SQOR: variants seen among roughly 807,000 people sequenced by gnomAD.
The protein encoded by SQOR is sulfide:quinone oxidoreductase, mitochondrial.
In SQOR, 39 loss-of-function variants were observed where a neutral mutation model predicts 48.6. The ratio of observed to expected loss-of-function variants is 0.80; its 90% CI spans 0.62 to 1.05. The LOEUF (loss-of-function observed/expected upper bound fraction) is 1.05, where lower values mean the gene tolerates loss of function less well. Ranked by LOEUF, SQOR falls within the 50% of genes least tolerant of loss-of-function variation. The probability of loss-of-function intolerance (pLI) is 0.00; values close to 1 mark genes in which losing one functional copy is unlikely to be tolerated. For missense variants in SQOR, 561 were observed against 559.9 expected, an observed-to-expected ratio of 1.00 and a Z score of -0.02; for synonymous variants, 220 against 206.2, an observed-to-expected ratio of 1.07 and a Z score of -0.57.
At chr15:45,646,337 C>G (rs1388522152) in intron 1 of SQOR, among the ~76,000 whole-genome samples, 1 of 152,206 alleles carries the variant, frequency 6.6e-6, no homozygotes, top group Admixed American at 6.5e-5. Flanking sequence ...AAAGGATATT[C>G]AGAAAAAGTT....
intron 1 of SQOR, among the ~76,000 whole-genome samples, chr15:45,643,941 G>C (rs1177201262): frequency 6.6e-6 from 1 of 152,086 alleles, no homozygotes; most frequent in Non-Finnish European, 1.5e-5. Context: ...TTCTAGAGCG[G>C]TTACTGCCTT....
At chr15:45,684,309 A>G (rs76474045) in intron 7 of SQOR, among the ~76,000 whole-genome samples, 13,015 of 152,216 alleles carry the variant, frequency 0.086, 654 homozygotes, top group African/African-American at 0.12. Context: ...ATTGGGCGTC[A>G]TGCCTCTTTG....
intron 6 of SQOR, among the ~76,000 whole-genome samples, chr15:45,679,025 G>A (rs1890081901): frequency 6.6e-6 from 1 of 152,230 alleles, no homozygotes; most frequent in Non-Finnish European, 1.5e-5. Flanking sequence ...GAACTTGAGT[G>A]CATGAACTTA....
intron 1 of SQOR, among the ~76,000 whole-genome samples, chr15:45,642,153 G>A (rs1895115480): frequency 6.6e-6 from 1 of 152,080 alleles, no homozygotes; most frequent in Non-Finnish European, 1.5e-5. Context: ...CTTCCCCTGG[G>A]GACTCTTTAT....
upstream of SQOR, among the ~76,000 whole-genome samples, chr15:45,633,142 C>CA (rs1242205911): frequency 6.6e-6 from 1 of 150,726 alleles, no homozygotes; most frequent in Non-Finnish European, 1.5e-5. Flanking sequence ...AAAAAAAACC[C>CA]AAAAAACCAA....
intron 1 of SQOR, among the ~76,000 whole-genome samples, chr15:45,642,623 G>C (rs1336678534): frequency 1.3e-5 from 2 of 152,056 alleles, no homozygotes; most frequent in Non-Finnish European, 2.9e-5. Flanking sequence ...GCGCTAGACT[G>C]CCCTCCTTTA....
intron 1 of SQOR, among the ~76,000 whole-genome samples, 178 bp from the exon 2 acceptor site, chr15:45,658,729 A>G (rs1456170833): frequency 6.6e-6 from 1 of 152,204 alleles, no homozygotes; most frequent in Non-Finnish European, 1.5e-5. Context: ...GATAGCTACC[A>G]ATTGGGTGCT....
chr15:45,682,141 C>T (rs574435387), intron 6 of SQOR, among the ~76,000 whole-genome samples: 3 of 152,280 alleles, frequency 2.0e-5, no homozygotes, highest in Admixed American at 1.3e-4. Context: ...ATATACCACC[C>T]CCTTATTTTA....
chr15:45,643,940 G>A (rs927481868), intron 1 of SQOR, among the ~76,000 whole-genome samples: 2 of 151,936 alleles, frequency 1.3e-5, no homozygotes, highest in Non-Finnish European at 2.9e-5. Flanking sequence ...CTTCTAGAGC[G>A]GTTACTGCCT....
intron 9 of SQOR, among the ~76,000 whole-genome samples, chr15:45,689,585 T>G (rs1415701188): frequency 6.6e-6 from 1 of 151,872 alleles, no homozygotes; most frequent in Non-Finnish European, 1.5e-5. Flanking sequence ...GCCTGGCTAA[T>G]TTTTATATTT....
At chr15:45,673,957 A>G in intron 5 of SQOR, 156 bp downstream of exon 5, 1 of 710,914 alleles carries the variant, frequency 1.4e-6, no homozygotes, top group Non-Finnish European at 2.3e-6. Context: ...TATAAAATAT[A>G]AAAGAGGAGA....
chr15:45,666,207 T>C (rs1178970838), intron 3 of SQOR, among the ~76,000 whole-genome samples: 1 of 152,228 alleles, frequency 6.6e-6, no homozygotes, highest in Non-Finnish European at 1.5e-5. Context: ...AGCTTCGATA[T>C]GACTCCTTCA....
intron 1 of SQOR, among the ~76,000 whole-genome samples, chr15:45,637,732 C>T (rs969657297): frequency 2.0e-5 from 3 of 152,168 alleles, no homozygotes; most frequent in Non-Finnish European, 4.4e-5. Context: ...GATTCCTTTG[C>T]AGAACAGTTT....
chr15:45,632,736 G>C (rs1472407437), upstream of SQOR, among the ~76,000 whole-genome samples: 3 of 152,040 alleles, frequency 2.0e-5, no homozygotes, highest in Admixed American at 6.6e-5. Flanking sequence ...ATTTGGGAGA[G>C]AGTCTATTGG....
At chr15:45,662,343 A>C (rs887810797) in intron 3 of SQOR, among the ~76,000 whole-genome samples, 1 of 152,218 alleles carries the variant, frequency 6.6e-6, no homozygotes, top group African/African-American at 2.4e-5. Flanking sequence ...AACTAAGATA[A>C]GTATTTGTTG....
At chr15:45,641,107 A>AT (rs1895099131) in intron 1 of SQOR, among the ~76,000 whole-genome samples, 1 of 152,136 alleles carries the variant, frequency 6.6e-6, no homozygotes, top group South Asian at 2.1e-4. Context: ...TGACTGACAT[A>AT]TTTTTTCTTT....
chr15:45,680,862 A>G (rs1193818663), intron 6 of SQOR, among the ~76,000 whole-genome samples: 6 of 152,004 alleles, frequency 3.9e-5, no homozygotes, highest in Admixed American at 3.9e-4. Context: ...GTGAAATTCA[A>G]ACACATTAAC....
chr15:45,637,139 C>G (rs1895020437), intron 1 of SQOR, among the ~76,000 whole-genome samples: 1 of 152,064 alleles, frequency 6.6e-6, no homozygotes, highest in Non-Finnish European at 1.5e-5. Flanking sequence ...CACCCACCAC[C>G]ACACCTGGCT....
In SQOR at chr15:45,690,923, C is replaced by G. The variant is rs376514384; in HGVS notation, c.1296-50C>G. ...CTTTCAGCATCCTCCTGACTGAAGTCGCCCCATCTCTCTTGCTGCAGGTAC... is the reference window on the plus strand; with the variant it reads ...CTTTCAGCATCCTCCTGACTGAAGTGGCCCCATCTCTCTTGCTGCAGGTAC... On this transcript the variant is annotated intron_variant, in intron 9 of 9. Transcript: ENST00000260324. 1.0e-5 allele frequency: 16 copies of G among 1,527,138 alleles called. No individual in the cohort carries two copies. In the African/African-American group the frequency reaches 2.0e-4, roughly 20 times the overall value. The allele number at this position is 1,527,138 out of a possible 1,614,324, so 94.6% of individuals were successfully genotyped here. A position where few individuals can be genotyped will look rare whatever the true frequency, so the allele number is the denominator to read the frequency against.
Sources: allele counts gnomAD v4.1 joint callset (sites outside exome capture counted in the v4.1 genomes callset), GRCh38; gene constraint gnomAD v4.1.1; transcripts MANE v1.5; gene names NCBI Gene and HGNC (gene_info 2026-07-23, HGNC 2026-07-21).